MED13: variants seen among roughly 807,000 people sequenced by gnomAD.
MED13 encodes mediator of RNA polymerase II transcription subunit 13.
A neutral mutation model predicts 225.2 loss-of-function variants in MED13; 23 were observed. The observed-to-expected ratio is 0.10, with a 90% CI of 0.07 to 0.14. The LOEUF is 0.14. MED13 is among the 10% of genes least tolerant of loss of function. MED13 has a pLI of 1.00. For synonymous variants in MED13, 942 were observed against 889.2 expected (o/e 1.06, Z -1.06); for missense variants, 2,197 against 2,594.5 (o/e 0.85, Z 3.33).
At chr17:62,028,443 A>T (rs375509934) in intron 8 of MED13, among the ~76,000 whole-genome samples, 1 of 152,300 alleles carries the variant, frequency 6.6e-6, no homozygotes, top group East Asian at 1.9e-4. Flanking sequence ...ACTACTGGGT[A>T]CTAGGCTTAG....
intron 26 of MED13, among the ~76,000 whole-genome samples, chr17:61,954,945 G>A (rs2079929319): frequency 6.6e-6 from 1 of 152,154 alleles, no homozygotes; most frequent in East Asian, 1.9e-4. Flanking sequence ...CAGTTCTGGA[G>A]GCCAGAAGTC....
intron 5 of MED13, among the ~76,000 whole-genome samples, chr17:62,032,163 AAAAC>A (rs1385185489): frequency 6.6e-6 from 1 of 151,980 alleles, no homozygotes; most frequent in Admixed American, 6.6e-5. Flanking sequence ...TCTTAAAAAA[AAAAC>A]AGACAAACAA....
At chr17:62,048,043 C>CATATATAT (rs397803988) in intron 3 of MED13, among the ~76,000 whole-genome samples, 301 of 131,074 alleles carry the variant, frequency 2.3e-3, no homozygotes, top group African/African-American at 3.1e-3. Flanking sequence ...TATACATATA[C>CATATATAT]ATATATATAT....
chr17:61,952,901 C>T (rs906463418), intron 27 of MED13, 64 bp downstream of exon 27: 5 of 1,546,146 alleles, frequency 3.2e-6, no homozygotes, highest in African/African-American at 1.4e-5. Flanking sequence ...TCCCAAAGTG[C>T]TGGGATTTTA....
At chr17:61,978,775 T>C (rs2143440547) in intron 16 of MED13, among the ~76,000 whole-genome samples, 1 of 152,330 alleles carries the variant, frequency 6.6e-6, no homozygotes, top group East Asian at 1.9e-4. Context: ...TTTCCTTTTT[T>C]TTGAATACCT....
chr17:61,965,171 G>C lies in MED13; in HGVS notation c.4679C>G (p.Pro1560Arg). ...VSSNKLPSFP[P>R]FGSMNSNAAG... Reference sequence around the variant, plus strand: ...AGCATTACTGTTCATACTGCCAAAGGGTGGAAACGAAGGTAGTTTATTTGA... The same window carrying C: ...AGCATTACTGTTCATACTGCCAAAGCGTGGAAACGAAGGTAGTTTATTTGA... The change falls in exon 20 of 30, where the codon CCC becomes CGC. Residue 1560 changes from proline to arginine, a missense_variant. Around this residue, in one of 12 missense-constraint regions of MED13, gnomAD observed 457 missense variants for 442.2 expected, o/e 1.03. Transcript: ENST00000397786. 6.2e-7 allele frequency: 1 copy of C among 1,614,106 alleles called. No homozygotes were observed. Among genetic ancestry groups the C allele is most frequent in the South Asian group, 1.1e-5 (1 of 91,076 alleles).
rs911916669 is a variant in MED13, at chr17:61,942,668, T to C, written c.*3800A>G. 7 of 152,236 alleles carry C rather than the reference T, an allele frequency of 4.6e-5. No individual in the cohort carries two copies. The highest frequency in any genetic ancestry group is 1.7e-4 in the African/African-American group (7 of 41,404). 9.4% of individuals were successfully genotyped at this position (152,236 alleles called of 1,614,324 possible). ...GTTTTTTGTTTTTGTTTTTTTTTTT[T>C]TAAAAAGTATAAACCTTTTCATTTC... is the stretch of plus-strand genomic sequence containing the variant. On this transcript the variant is annotated 3_prime_UTR_variant, in exon 30 of 30. Coordinates refer to ENST00000397786, the MANE Select transcript of MED13 (RefSeq NM_005121.3).
intron 28 of MED13, among the ~76,000 whole-genome samples, chr17:61,948,022 A>G (rs1447247706): frequency 6.6e-6 from 1 of 152,206 alleles, no homozygotes; most frequent in Non-Finnish European, 1.5e-5. Context: ...AACTGTCTAC[A>G]AACTCTTGAT....
At position 61,985,100 on chromosome 17, in the gene MED13, A is replaced by G. The variant is rs777605554; in HGVS notation, c.2386-10T>C. 2 of 1,607,104 alleles carry G rather than the reference A, an allele frequency of 1.2e-6. No individual in the cohort carries two copies. Among genetic ancestry groups the G allele is most frequent in the South Asian group, 2.2e-5 (2 of 89,924 alleles). On this transcript the variant is annotated splice_polypyrimidine_tract_variant and intron_variant, in intron 12 of 29. Transcript: ENST00000397786. ...ATTTTTTAGATCCAGGCTATTTAAA[A>G]AAAGCACATATTTATCTAAAATTTT... is the stretch of plus-strand genomic sequence containing the variant.
chr17:62,025,785 GGTTT>G (rs2080695608), intron 8 of MED13, among the ~76,000 whole-genome samples: 1 of 152,158 alleles, frequency 6.6e-6, no homozygotes, highest in Admixed American at 6.5e-5. Flanking sequence ...GATTAGGTGT[GGTTT>G]TTTTAGCTAT....
rs2080002639 is a variant in MED13 at position 61,961,761 on chromosome 17, G to C, written c.5083C>G (p.Leu1695Val). The C allele has an allele frequency of 6.2e-7, 1 of 1,613,640 alleles. No homozygotes were observed. The highest frequency in any genetic ancestry group is 8.5e-7 in the Non-Finnish European group (1 of 1,179,686). The change falls in exon 22 of 30, where the codon CTG becomes GTG. Residue 1695 changes from leucine (L) to valine (V), a missense_variant. Transcript: ENST00000397786. The part of the protein sequence containing the change: ...VSVQIIPCQY[L>V]LQPVKHEDRE... ...TCTTCATGCTTCACAGGTTGCAACA[G>C]GTACTGACAAGGAATAATCTAAGAA...
At chr17:61,948,069 C>T (rs922981545) in intron 28 of MED13, among the ~76,000 whole-genome samples, 2 of 152,110 alleles carry the variant, frequency 1.3e-5, no homozygotes, top group African/African-American at 2.4e-5. Context: ...CTGCAAATCA[C>T]TACAAATTTT....
intron 8 of MED13, among the ~76,000 whole-genome samples, chr17:62,025,094 C>T (rs1251552522): frequency 6.6e-6 from 1 of 152,094 alleles, no homozygotes; most frequent in Non-Finnish European, 1.5e-5. Flanking sequence ...GAAAAGCTTA[C>T]TTACATTTAA....
intron 27 of MED13, among the ~76,000 whole-genome samples, chr17:61,951,615 A>G (rs2079897287): frequency 6.6e-6 from 1 of 152,248 alleles, no homozygotes; most frequent in Non-Finnish European, 1.5e-5. Flanking sequence ...GACATAAATT[A>G]GGGTATAGCA....
chr17:61,983,374 C>T (rs1435220359), intron 15 of MED13, among the ~76,000 whole-genome samples: 11 of 152,118 alleles, frequency 7.2e-5, no homozygotes, highest in Non-Finnish European at 1.2e-4. Context: ...CATACCTAGA[C>T]ATCCATATTT....
chr17:61,982,138 C>T, intron 16 of MED13, 60 bp downstream of exon 16: 4 of 1,481,078 alleles, frequency 2.7e-6, no homozygotes, highest in East Asian at 2.3e-5. Flanking sequence ...TTACTTTTTC[C>T]TAAGAATGTA....
intron 1 of MED13, 70 bp downstream of exon 1, chr17:62,065,070 C>A: frequency 7.2e-7 from 1 of 1,387,000 alleles, no homozygotes; most frequent in Non-Finnish European, 9.7e-7. Context: ...AGACCCGGCC[C>A]CCTCCCCCAC....
At chr17:62,024,905 T>A (rs2080685630) in intron 8 of MED13, among the ~76,000 whole-genome samples, 1 of 152,228 alleles carries the variant, frequency 6.6e-6, no homozygotes, top group South Asian at 2.1e-4. Flanking sequence ...ATGGTGTACA[T>A]GCACATTTTC....
chr17:61,972,475 A>G (rs2080118399), intron 17 of MED13, among the ~76,000 whole-genome samples: 1 of 152,086 alleles, frequency 6.6e-6, no homozygotes, highest in Non-Finnish European at 1.5e-5. Context: ...TTCTTCATGT[A>G]AAATCTTGAG....
Sources: allele counts gnomAD v4.1 joint callset (sites outside exome capture counted in the v4.1 genomes callset), GRCh38; gene constraint gnomAD v4.1.1; regional missense constraint gnomAD v4.1.1; transcripts MANE v1.5; gene names NCBI Gene and HGNC (gene_info 2026-07-23, HGNC 2026-07-21).